GUCY2F: variants seen among roughly 807,000 people sequenced by gnomAD.
GUCY2F encodes the protein retinal guanylyl cyclase 2.
GUCY2F carries 61 observed loss-of-function variants against 73.1 expected under a neutral mutation model. That is an observed-to-expected ratio of 0.83 (90% confidence interval 0.68 to 1.03). The LOEUF is 1.03. Ranked by LOEUF, GUCY2F falls within the 50% of genes least tolerant of loss-of-function variation. The pLI, the probability that GUCY2F is intolerant of heterozygous loss-of-function variation, is 0.00. For synonymous variants in GUCY2F, 331 were observed against 307.8 expected, an observed-to-expected ratio of 1.08 and a Z score of -0.79; for missense variants, 912 against 854.3, an observed-to-expected ratio of 1.07 and a Z score of -0.84.
chrX:109,478,067 T>G (rs965689329), intron 1 of GUCY2F, among the ~76,000 whole-genome samples: 1 of 111,885 alleles, frequency 8.9e-6, no homozygotes, highest in African/African-American at 3.3e-5. Context: ...TCTGAGCTGA[T>G]TATATGCATA....
chrX:109,399,974 C>T (rs1215361819), intron 10 of GUCY2F, among the ~76,000 whole-genome samples: 12 of 83,773 alleles, frequency 1.4e-4, no homozygotes, highest in African/African-American at 5.2e-4. Context: ...TGGGGGAGGG[C>T]GGGTGTCTGG....
At chrX:109,389,806 C>T (rs773960543) in intron 14 of GUCY2F, among the ~76,000 whole-genome samples, 1 of 111,323 alleles carries the variant, frequency 9.0e-6, no homozygotes, top group East Asian at 2.8e-4. Context: ...ATCTTGAAAC[C>T]AGCCCTGGAA....
intron 8 of GUCY2F, among the ~76,000 whole-genome samples, chrX:109,423,261 T>C (rs1334709468): frequency 8.9e-6 from 1 of 112,129 alleles, no homozygotes; most frequent in African/African-American, 3.2e-5. Context: ...ATGTAGAAAA[T>C]ATTCTTTGCT....
intron 17 of GUCY2F, among the ~76,000 whole-genome samples, chrX:109,379,055 A>G (rs1410454324): frequency 2.7e-5 from 3 of 112,679 alleles, no homozygotes; most frequent in Admixed American, 9.4e-5. Flanking sequence ...TTTAAAAAGA[A>G]AGAAATTCTA....
intron 1 of GUCY2F, 97 bp downstream of exon 1, chrX:109,481,769 T>G (rs1015428044): frequency 1.8e-5 from 2 of 110,375 alleles, no homozygotes; most frequent in African/African-American, 6.6e-5. Context: ...GCAGTAAAAC[T>G]AATGTATCTC....
chrX:109,407,659 G>A (rs1007567690), intron 9 of GUCY2F, among the ~76,000 whole-genome samples: 3 of 113,009 alleles, frequency 2.7e-5, no homozygotes, highest in Admixed American at 1.8e-4. Context: ...CATGCTGTGT[G>A]CAGCCTAGGG....
chrX:109,418,810 T>C lies in GUCY2F; in HGVS notation c.1792-9642A>G, dbSNP rs181633067. 2.4e-3 allele frequency among the ~76,000 whole-genome samples: 264 copies of C among 110,908 alleles called. 4 individuals carry two copies. The highest frequency in any genetic ancestry group is 7.0e-3 in the African/African-American group (216 of 30,827). On this transcript the variant is annotated intron_variant, in intron 8 of 19. Transcript: ENST00000218006. The stretch of plus-strand genomic sequence containing the variant: ...GGAGAAAATTAACAAAATCAAAACA[T>C]TGTTCTTTAAAACAAAGTAATAAAT...
intron 16 of GUCY2F, chrX:109,383,463 T>C (rs1404108751): frequency 1.0e-5 from 6 of 578,578 alleles, no homozygotes; most frequent in Non-Finnish European, 1.3e-5. Context: ...ACAAAGGAGA[T>C]ATTGATGAAA....
intron 1 of GUCY2F, 48 bp downstream of exon 1, chrX:109,481,818 T>C (rs993878925): frequency 9.1e-6 from 1 of 110,483 alleles, no homozygotes; most frequent in Admixed American, 9.6e-5. Flanking sequence ...GTGTCTTTTT[T>C]CCCCCCATTA....
chrX:109,411,873 G>A lies in GUCY2F; in HGVS notation c.1792-2705C>T, dbSNP rs149697993. 4.4e-3 allele frequency among the ~76,000 whole-genome samples: 493 copies of A among 111,849 alleles called. 3 individuals carry two copies. Among genetic ancestry groups the A allele is most frequent in the Non-Finnish European group, 7.5e-3 (398 of 53,109 alleles). On this transcript the variant is annotated intron_variant, in intron 8 of 19. Transcript: ENST00000218006. The stretch of plus-strand genomic sequence containing the variant: ...AAGGAAACATCAACATTTGAAGAGC[G>A]GGAAAAGGAAGAACAGCCTGCAATA...
At chrX:109,444,556 G>A (rs1043922303) in intron 6 of GUCY2F, among the ~76,000 whole-genome samples, 32 of 111,776 alleles carry the variant, frequency 2.9e-4, no homozygotes, top group Middle Eastern at 4.7e-3. Flanking sequence ...ACTAGCACAA[G>A]AAGACACACT....
At chrX:109,450,669 T>C (rs1479512598) in intron 5 of GUCY2F, among the ~76,000 whole-genome samples, 1 of 112,490 alleles carries the variant, frequency 8.9e-6, no homozygotes, top group Non-Finnish European at 1.9e-5. Flanking sequence ...AAGAAAAACT[T>C]CCTTTGAACT....
At chrX:109,432,023 A>G (rs1412776113) in intron 7 of GUCY2F, among the ~76,000 whole-genome samples, 1 of 111,595 alleles carries the variant, frequency 9.0e-6, no homozygotes, top group Non-Finnish European at 1.9e-5. Context: ...CATTTGATCC[A>G]GTAAATCTCC....
Position 109,404,421 on chromosome X carries a change from C to T in GUCY2F, c.2032G>A (p.Val678Ile), listed in dbSNP as rs1391699910. 8.4e-7 allele frequency: 1 copy of T among 1,192,250 alleles called. No individual in the cohort carries two copies. Among genetic ancestry groups the T allele is most frequent in the Admixed American group, 2.2e-5 (1 of 45,996 alleles). Residue 678 changes from valine to isoleucine, a missense_variant, in exon 10 of 20, where the codon GTA becomes ATA. Val to Ile is a conservative substitution (Grantham distance 29, BLOSUM62 3). Coordinates refer to ENST00000218006, the MANE Select transcript of GUCY2F (RefSeq NM_001522.3). ...HGRLKSRNCVVDGRFVLKVTD... is the reference protein window; with the variant it reads ...HGRLKSRNCVIDGRFVLKVTD... ...ACTTTTAGTACAAAACGCCCATCTA[C>T]CACACAGTTTCGAGACTTTAGCCTC...
rs764645286 is a variant in GUCY2F at position 109,388,660 on chromosome X, C to T, written c.2785G>A (p.Glu929Lys). The T allele has an allele frequency of 6.0e-6, 7 of 1,170,220 alleles. No individual in the cohort carries two copies. In the African/African-American group the frequency reaches 8.9e-5, roughly 15 times the overall value. ...ACCATGTAGGCATCTCCAATGGTCT[C>T]TACCTGGGAATTAGGAAAAATAGAA... is the stretch of plus-strand genomic sequence containing the variant. ...IIGSHDVYKV[E>K]TIGDAYMVAS... is the part of the protein sequence containing the mutation. The change falls in exon 15 of 20, where the codon GAG (glutamate) becomes AAG (lysine). Residue 929 changes from glutamate (E) to lysine (K), a missense_variant. Coordinates refer to ENST00000218006, the MANE Select transcript of GUCY2F (RefSeq NM_001522.3).
intron 3 of GUCY2F, among the ~76,000 whole-genome samples, chrX:109,461,620 G>A (rs1932363238): frequency 8.9e-6 from 1 of 111,948 alleles, no homozygotes; most frequent in Non-Finnish European, 1.9e-5. Flanking sequence ...GTGCTAGTAA[G>A]TGTTTGACAA....
chrX:109,414,737 A>G (rs1474469955), intron 8 of GUCY2F, among the ~76,000 whole-genome samples: 1 of 112,035 alleles, frequency 8.9e-6, no homozygotes, highest in African/African-American at 3.2e-5. Context: ...GGAAGTAAGA[A>G]TTGATCTGGG....
At chrX:109,468,459 A>G (rs1173778590) in intron 2 of GUCY2F, among the ~76,000 whole-genome samples, 1 of 111,646 alleles carries the variant, frequency 9.0e-6, no homozygotes, top group Non-Finnish European at 1.9e-5. Context: ...TCCTTGAGAT[A>G]TGAGATATGG....
intron 15 of GUCY2F, 50 bp downstream of exon 15, chrX:109,388,439 C>A: frequency 1.1e-6 from 1 of 942,840 alleles, no homozygotes; most frequent in Non-Finnish European, 1.5e-6. Flanking sequence ...CTTTTTTAGT[C>A]TTCCTAGAGG....
Sources: gnomAD v4.1 joint callset for allele counts (sites outside exome capture counted in the v4.1 genomes callset) on GRCh38, gnomAD v4.1.1 for gene constraint, MANE v1.5 for transcripts, NCBI Gene and HGNC (gene_info 2026-07-23, HGNC 2026-07-21) for gene names.